Variants in MPPED2 observed in about 807,000 individuals in gnomAD.
MPPED2 encodes metallophosphoesterase MPPED2.
A neutral mutation model predicts 33.0 loss-of-function variants in MPPED2; 5 were observed. That is an observed-to-expected ratio of 0.15 (90% CI 0.08 to 0.32). MPPED2 has a LOEUF of 0.32. Ranked by LOEUF, MPPED2 falls within the 10% of genes least tolerant of loss-of-function variation. The probability of loss-of-function intolerance (pLI) is 1.00; values close to 1 mark genes in which losing one functional copy is unlikely to be tolerated. For synonymous variants in MPPED2, 136 were observed against 141.9 expected (o/e 0.96, Z 0.29); for missense variants, 275 against 372.1 (o/e 0.74, Z 2.15).
At position 30,563,891 on chromosome 11, in the gene MPPED2, T is replaced by C. The variant is rs74791498; in HGVS notation, c.128+16355A>G. Among the ~76,000 whole-genome samples the C allele has an allele frequency of 5.6e-3, 850 of 152,280 alleles. 2 individuals are homozygous for C. Among genetic ancestry groups the C allele is most frequent in the South Asian group, 0.018 (85 of 4,830 alleles). On this transcript the variant is annotated intron_variant, in intron 2 of 6. Coordinates refer to ENST00000358117, the MANE Select transcript of MPPED2 (RefSeq NM_001584.3). Reference sequence around the variant, plus strand: ...ATCCCCTTATAGGAGCGAATGTACATGTCAAAATGGAGGTAACTTGTGCTG... The same window carrying C: ...ATCCCCTTATAGGAGCGAATGTACACGTCAAAATGGAGGTAACTTGTGCTG...
chr11:30,481,964 T>C (rs1306297575), intron 4 of MPPED2, among the ~76,000 whole-genome samples: 1 of 152,080 alleles, frequency 6.6e-6, no homozygotes, highest in African/African-American at 2.4e-5. Context: ...ATCTGTGAAA[T>C]ATGTACATAT....
chr11:30,501,253 C>T (rs1413930279), intron 3 of MPPED2, among the ~76,000 whole-genome samples: 1 of 152,158 alleles, frequency 6.6e-6, no homozygotes. Flanking sequence ...TCCCTGATGC[C>T]AGGCACAATG....
At chr11:30,415,023 C>T (rs1948280560) in intron 5 of MPPED2, among the ~76,000 whole-genome samples, 1 of 152,212 alleles carries the variant, frequency 6.6e-6, no homozygotes, top group Admixed American at 6.5e-5. Flanking sequence ...CAAAAGTCAG[C>T]TATCTGGATG....
intron 6 of MPPED2, among the ~76,000 whole-genome samples, chr11:30,412,006 A>G (rs1401717953): frequency 1.3e-5 from 2 of 151,974 alleles, no homozygotes; most frequent in Non-Finnish European, 2.9e-5. Flanking sequence ...CAAGTGGGAT[A>G]TGGGGCAGGT....
At chr11:30,566,491 G>GA (rs1294704647) in intron 2 of MPPED2, among the ~76,000 whole-genome samples, 1 of 152,146 alleles carries the variant, frequency 6.6e-6, no homozygotes, top group South Asian at 2.1e-4. Context: ...GCTCCATCCT[G>GA]AAAAAAACAC....
intron 4 of MPPED2, among the ~76,000 whole-genome samples, chr11:30,493,176 G>T (rs1952064948): frequency 6.6e-6 from 1 of 152,006 alleles, no homozygotes; most frequent in African/African-American, 2.4e-5. Context: ...GAGGTCAGGA[G>T]ATCGAGACCA....
At chr11:30,414,695 C>A (rs532030008) in intron 5 of MPPED2, among the ~76,000 whole-genome samples, 1 of 152,080 alleles carries the variant, frequency 6.6e-6, no homozygotes, top group Non-Finnish European at 1.5e-5. Flanking sequence ...CAGTTACTTT[C>A]GCTATTTTAT....
At chr11:30,405,441 A>G (rs1947974661), downstream of MPPED2, among the ~76,000 whole-genome samples, 2 of 152,124 alleles carry the variant, frequency 1.3e-5, 1 homozygote, top group Admixed American at 1.3e-4. Context: ...TTTTAGTTCC[A>G]CTGTGGCTGT....
chr11:30,427,819 T>A (rs1381500795), intron 4 of MPPED2, among the ~76,000 whole-genome samples: 1 of 152,204 alleles, frequency 6.6e-6, no homozygotes, highest in Non-Finnish European at 1.5e-5. Flanking sequence ...TTTTTTTCCC[T>A]TTCTATTTCT....
At chr11:30,421,304 T>C (rs1447874680) in intron 4 of MPPED2, among the ~76,000 whole-genome samples, 2 of 152,200 alleles carry the variant, frequency 1.3e-5, no homozygotes, top group Non-Finnish European at 2.9e-5. Flanking sequence ...CTGTAAAAGA[T>C]AAGACAAACC....
intron 3 of MPPED2, among the ~76,000 whole-genome samples, chr11:30,531,147 A>G (rs1373831868): frequency 6.6e-6 from 1 of 152,212 alleles, no homozygotes; most frequent in Non-Finnish European, 1.5e-5. Context: ...TAAAATGTTA[A>G]TGAGACAATA....
intron 4 of MPPED2, among the ~76,000 whole-genome samples, chr11:30,479,087 C>A (rs951091979): frequency 2.0e-5 from 3 of 152,080 alleles, no homozygotes; most frequent in Non-Finnish European, 4.4e-5. Context: ...GGACAAGAAG[C>A]CTCCCTGGTC....
At chr11:30,394,846 T>G (rs1314889327) in intron 6 of MPPED2, among the ~76,000 whole-genome samples, 1 of 152,224 alleles carries the variant, frequency 6.6e-6, no homozygotes, top group Admixed American at 6.5e-5. Context: ...TATGAATATT[T>G]TCTCCTGTTT....
At chr11:30,450,509 TAA>T (rs1433245095) in intron 4 of MPPED2, among the ~76,000 whole-genome samples, 5 of 152,218 alleles carry the variant, frequency 3.3e-5, no homozygotes, top group Admixed American at 1.3e-4. Context: ...AGAAGTGAAG[TAA>T]ACCACTGATA....
intron 2 of MPPED2, among the ~76,000 whole-genome samples, chr11:30,569,189 C>T (rs1956583870): frequency 1.3e-5 from 2 of 152,054 alleles, no homozygotes; most frequent in Non-Finnish European, 2.9e-5. Context: ...GAGCCATCCA[C>T]CACCACCGAG....
intron 2 of MPPED2, among the ~76,000 whole-genome samples, chr11:30,543,193 A>G (rs1349448896): frequency 1.3e-5 from 2 of 152,220 alleles, no homozygotes; most frequent in African/African-American, 2.4e-5. Flanking sequence ...AAAGATATAA[A>G]GGTTCCTCAT....
At chr11:30,408,469 G>A (rs558828664), downstream of MPPED2, among the ~76,000 whole-genome samples, 24 of 152,208 alleles carry the variant, frequency 1.6e-4, no homozygotes, top group African/African-American at 4.8e-4. Context: ...GTGCCACCAC[G>A]CCCAGCTAAT....
intron 4 of MPPED2, among the ~76,000 whole-genome samples, chr11:30,436,050 C>CTTTTTTTT (rs71060449): frequency 1.8e-5 from 2 of 108,458 alleles, no homozygotes; most frequent in African/African-American, 3.5e-5. Flanking sequence ...AGTTTAGCAT[C>CTTTTTTTT]TTTTTTTTTT....
intron 4 of MPPED2, among the ~76,000 whole-genome samples, chr11:30,434,274 A>G (rs1005467952): frequency 1.3e-5 from 2 of 152,186 alleles, no homozygotes; most frequent in African/African-American, 4.8e-5. Flanking sequence ...TGAGCTGAAG[A>G]GGAGGTGGGC....
Sources: allele counts gnomAD v4.1 joint callset (sites outside exome capture counted in the v4.1 genomes callset), GRCh38; gene constraint gnomAD v4.1.1; transcripts MANE v1.5; gene names NCBI Gene and HGNC (gene_info 2026-07-23, HGNC 2026-07-21).